Variants in GNL3L observed in about 807,000 individuals in gnomAD.
The protein encoded by GNL3L is G protein nucleolar 3 like, also known as guanine nucleotide-binding protein-like 3-like protein.
GNL3L carries 4 observed loss-of-function variants against 42.9 expected under a neutral mutation model. That is an observed-to-expected ratio of 0.09 (90% CI 0.05 to 0.21). The LOEUF (loss-of-function observed/expected upper bound fraction) is 0.21, where lower values mean the gene tolerates loss of function less well. Ranked by LOEUF, GNL3L falls within the 10% of genes least tolerant of loss-of-function variation. The pLI, the probability that GNL3L is intolerant of heterozygous loss-of-function variation, is 1.00. For synonymous variants in GNL3L, 159 were observed against 176.3 expected (o/e 0.90, Z 0.78); for missense variants, 412 against 481.7 (o/e 0.86, Z 1.36).
At chrX:54,543,444 T>C (rs1414049697) in intron 7 of GNL3L, 102 bp downstream of exon 7, 8 of 836,588 alleles carry the variant, frequency 9.6e-6, no homozygotes, top group Non-Finnish European at 1.4e-5. Context: ...GTGATACTCA[T>C]AATAGTCATG....
At chrX:54,541,711 A>C (rs1197576741) in intron 5 of GNL3L, among the ~76,000 whole-genome samples, 1 of 110,447 alleles carries the variant, frequency 9.1e-6, no homozygotes, top group East Asian at 2.9e-4. Flanking sequence ...GAGGGAGCGA[A>C]AGTATGAGGA....
the GNL3L span, among the ~76,000 whole-genome samples, chrX:54,641,669 A>G: frequency 1.1e-3 from 122 of 112,200 alleles, no homozygotes; most frequent in African/African-American, 3.8e-3. Flanking sequence ...ATCCAAGGCC[A>G]GCCCACAACC....
intron 8 of GNL3L, among the ~76,000 whole-genome samples, chrX:54,545,711 A>G (rs1924752938): frequency 8.9e-6 from 1 of 111,996 alleles, no homozygotes; most frequent in Non-Finnish European, 1.9e-5. Flanking sequence ...AACTTATTTA[A>G]AAATAAAGTA....
intron 1 of GNL3L, among the ~76,000 whole-genome samples, chrX:54,531,274 G>C (rs1341107260): frequency 1.9e-5 from 2 of 105,515 alleles, no homozygotes; most frequent in African/African-American, 7.0e-5. Flanking sequence ...CAAAGATTTA[G>C]AATCACTAAA....
At position 54,564,556 on chromosome X, in the gene GNL3L, C is replaced by T. The variant is rs1156765315; in HGVS notation, c.*3954C>T. 4.9e-4 allele frequency among the ~76,000 whole-genome samples: 51 copies of T among 104,271 alleles called. No individual in the cohort carries two copies. The highest frequency in any genetic ancestry group is 1.5e-3 in the African/African-American group (42 of 28,427). 90.5% of individuals were successfully genotyped at this position (104,271 alleles called of 115,157 possible). A position where few individuals can be genotyped will look rare whatever the true frequency, so the allele number is the denominator to read the frequency against. On this transcript the variant is annotated 3_prime_UTR_variant, in exon 16 of 16. Transcript: ENST00000360845. The stretch of plus-strand genomic sequence containing the variant: ...CCGAGTAGCTGGGATTATGGGCGCC[C>T]GCCACCACGCCCAGCTAATTTTTGT...
chrX:54,598,483 A>T (rs1415191326), intron 16 of GNL3L, among the ~76,000 whole-genome samples: 1 of 112,085 alleles, frequency 8.9e-6, no homozygotes, highest in African/African-American at 3.2e-5. Context: ...TAACAAAAAA[A>T]TTAGAAGGCA....
intron 9 of GNL3L, among the ~76,000 whole-genome samples, chrX:54,549,359 C>CCA (rs1212071837): frequency 9.0e-6 from 1 of 111,143 alleles, no homozygotes; most frequent in African/African-American, 3.3e-5. Flanking sequence ...CAAGCCCTTC[C>CCA]CACACACACC....
At chrX:54,572,691 C>A (rs1458284150) in intron 16 of GNL3L, among the ~76,000 whole-genome samples, 1 of 110,100 alleles carries the variant, frequency 9.1e-6, no homozygotes, top group Admixed American at 9.5e-5. Context: ...GGCTGACCCC[C>A]CCCACCTCCC....
chrX:54,643,269 T>C, the GNL3L span, among the ~76,000 whole-genome samples: 3 of 111,506 alleles, frequency 2.7e-5, no homozygotes, highest in Non-Finnish European at 5.7e-5. Flanking sequence ...TTTGTTTTTA[T>C]GTGTTGTAAT....
In GNL3L at chrX:54,596,526, C is replaced by T. The variant is rs187384807; in HGVS notation, c.*46-24319C>T. On this transcript the variant is annotated intron_variant, in intron 16 of 16. Coordinates refer to the GNL3L transcript ENST00000674498. Reference sequence around the variant, plus strand: ...TGTCAGACTTGAGAGTCCTGGGTCTCGCCCGAGGTTTACTGTAAACACTCT... The same window carrying T: ...TGTCAGACTTGAGAGTCCTGGGTCTTGCCCGAGGTTTACTGTAAACACTCT... 3.6e-5 allele frequency among the ~76,000 whole-genome samples: 4 copies of T among 111,924 alleles called. No homozygotes were observed. The East Asian group carries it at 8.5e-4, about 24-fold the overall frequency.
chrX:54,539,076 A>G lies in GNL3L; in HGVS notation c.56A>G (p.Lys19Arg). Reference sequence around the variant, plus strand: ...CCAGGTGAAGGTTCCAAGGGCCACAAGAAGATAAGTTGGCCCTACCCTCAG... The same window carrying G: ...CCAGGTGAAGGTTCCAAGGGCCACAGGAAGATAAGTTGGCCCTACCCTCAG... ...KKPGEGSKGH[K>R]KISWPYPQPA... The change falls in exon 3 of 16, where the codon AAG (lysine) becomes AGG (arginine). Residue 19 changes from lysine to arginine, a missense_variant. By Grantham distance (26) the Lys-to-Arg change is conservative. Transcript: ENST00000360845. 1 of 1,159,514 alleles carries G rather than the reference A, an allele frequency of 8.6e-7. No homozygotes were observed.
chrX:54,530,537 A>G (rs1338836650), intron 1 of GNL3L, 118 bp downstream of exon 1: 2 of 111,988 alleles, frequency 1.8e-5, no homozygotes, highest in East Asian at 5.8e-4. Flanking sequence ...GGAGAGGGGC[A>G]TTGCCCCATC....
At chrX:54,587,906 C>T (rs1440606639) in intron 16 of GNL3L, among the ~76,000 whole-genome samples, 1 of 111,539 alleles carries the variant, frequency 9.0e-6, no homozygotes, top group Non-Finnish European at 1.9e-5. Flanking sequence ...GTCTCGAACT[C>T]CTGACCTCAG....
intron 14 of GNL3L, among the ~76,000 whole-genome samples, chrX:54,556,186 T>C (rs1925089380): frequency 9.0e-6 from 1 of 111,041 alleles, no homozygotes; most frequent in Non-Finnish European, 1.9e-5. Context: ...GGGTAATTTA[T>C]AAAGGAAAGA....
intron 16 of GNL3L, among the ~76,000 whole-genome samples, chrX:54,609,597 G>A (rs1926139539): frequency 8.9e-6 from 1 of 111,893 alleles, no homozygotes; most frequent in African/African-American, 3.2e-5. Flanking sequence ...ACGATTTGTT[G>A]AATAGGCTGT....
In GNL3L at chrX:54,543,297, C is replaced by G. The variant is rs778377091; in HGVS notation, c.481C>G (p.Arg161Gly). 17 of 1,208,413 alleles carry G rather than the reference C, an allele frequency of 1.4e-5. No individual in the cohort carries two copies. Among genetic ancestry groups the G allele is most frequent in the Non-Finnish European group, 1.9e-5 (17 of 894,416 alleles). ...CTTCCAAATGGAGGAGGCTGTCCTG[C>G]GAGCACAAGGCAACAAGAAGCTGGT... ...RCFQMEEAVL[R>G]AQGNKKLVLV... The change falls in exon 7 of 16, where the codon CGA (arginine) becomes GGA (glycine). Residue 161 changes from arginine (R) to glycine (G), a missense_variant. Coordinates refer to ENST00000360845, the MANE Select transcript of GNL3L (RefSeq NM_001184819.2).
rs1487675332 is a variant in GNL3L, at chrX:54,564,511, G to A, written c.*3909G>A. ...CAACCTCCGCCTCCAGGGTTCAAGC[G>A]GTTCTCCTGCCTCAGCCTCCCGAGT... is the stretch of plus-strand genomic sequence containing the variant. On this transcript the variant is annotated 3_prime_UTR_variant, in exon 16 of 16. Transcript: ENST00000360845. Among the ~76,000 whole-genome samples, 5 of 102,970 alleles carry A rather than the reference G, an allele frequency of 4.9e-5. No homozygotes were observed. The highest frequency in any genetic ancestry group is 1.8e-4 in the African/African-American group (5 of 27,632). The allele number at this position is 102,970 out of a possible 115,157, so 89.4% of individuals were successfully genotyped here. A position where few individuals can be genotyped will look rare whatever the true frequency, so the allele number is the denominator to read the frequency against.
chrX:54,533,391 C>T (rs962765679), intron 2 of GNL3L, among the ~76,000 whole-genome samples: 24 of 106,887 alleles, frequency 2.2e-4, no homozygotes, highest in African/African-American at 7.8e-4. Context: ...AGGAATAAAA[C>T]AAAACAAAAA....
At chrX:54,631,379 A>ATCTAGTAGTATCTAACAAATACTACTAGG in the GNL3L span, among the ~76,000 whole-genome samples, 5 of 110,561 alleles carry the variant, frequency 4.5e-5, no homozygotes, top group Non-Finnish European at 7.6e-5. Flanking sequence ...CTCATTTCTT[A>ATCTAGTAGTATCTAACAAATACTACTAGG]TCTAGTAGTA....
Sources: gnomAD v4.1 joint callset for allele counts (sites outside exome capture counted in the v4.1 genomes callset) on GRCh38, gnomAD v4.1.1 for gene constraint, MANE v1.5 for transcripts, NCBI Gene and HGNC (gene_info 2026-07-23, HGNC 2026-07-21) for gene names.